The following KLHL26 variants were observed in gnomAD, a reference collection of about 807,000 sequenced individuals.
The protein encoded by KLHL26 is kelch-like protein 26.
A neutral mutation model predicts 7.1 loss-of-function variants in KLHL26; 4 were observed. That is an observed-to-expected ratio of 0.56 (90% CI 0.28 to 1.28). KLHL26 has a LOEUF of 1.28. Ranked by LOEUF, KLHL26 falls within the 50% of genes most tolerant of loss-of-function variation. The pLI is 0.11. For missense variants in KLHL26, 896 were observed against 924.6 expected (o/e 0.97, Z 0.40); for synonymous variants, 465 against 414.1 (o/e 1.12, Z -1.49).
chr19:18,648,890 C>T lies in KLHL26; in HGVS notation c.83+11753C>T, dbSNP rs1976850899. The stretch of plus-strand genomic sequence containing the variant: ...CACTCCTGGCTCTTCCCCTTCTGGG[C>T]ATCATCCCCAACTCCAGCCAGCGGG... On this transcript the variant is annotated intron_variant, in intron 1 of 2. Transcript: ENST00000300976. This position sits in a 1 kb window ranked among gnomAD's most constrained non-coding sequence, Gnocchi z 4.9. Among the ~76,000 whole-genome samples, 1 of 152,162 alleles carries T rather than the reference C, an allele frequency of 6.6e-6. No homozygotes were observed. The highest frequency in any genetic ancestry group is 2.1e-4 in the South Asian group (1 of 4,826).
rs1236675958 is a variant in KLHL26 at position 18,656,700 on chromosome 19, C to T, written c.84-7561C>T. Among the ~76,000 whole-genome samples, 7 of 59,698 alleles carry T rather than the reference C, an allele frequency of 1.2e-4. No homozygotes were observed. The highest frequency in any genetic ancestry group is 5.3e-4 in the South Asian group (1 of 1,872). 39.2% of individuals were successfully genotyped at this position (59,698 alleles called of 152,430 possible). On this transcript the variant is annotated intron_variant, in intron 1 of 2. Transcript: ENST00000300976. This position sits in a 1 kb window ranked among gnomAD's most constrained non-coding sequence, Gnocchi z 4.4. ...CGGCGAGCCCTGTCTGCCTCAGTAG[C>T]GCGGGGCTCTTGGAGGAGGCTTGAG...
At chr19:18,659,092 G>T (rs949019361) in intron 1 of KLHL26, among the ~76,000 whole-genome samples, 3 of 151,434 alleles carry the variant, frequency 2.0e-5, no homozygotes, top group Non-Finnish European at 4.4e-5. Flanking sequence ...CTCTCTCTGG[G>T]TATCTGTCCA....
chr19:18,650,725 T>G lies in KLHL26; in HGVS notation c.84-13536T>G, dbSNP rs2145384059. Among the ~76,000 whole-genome samples, 1 of 152,322 alleles carries G rather than the reference T, an allele frequency of 6.6e-6. No individual in the cohort carries two copies. The highest frequency in any genetic ancestry group is 2.1e-4 in the South Asian group (1 of 4,826). On this transcript the variant is annotated intron_variant, in intron 1 of 2. Coordinates refer to ENST00000300976, the MANE Select transcript of KLHL26 (RefSeq NM_018316.3). The surrounding 1 kb of genome is among the most constrained non-coding windows in gnomAD (Gnocchi z 4.2). ...GCCTCCAGTCTGTTAGCATTTAGAG[T>G]TGCTGAACTTTCGCATTGGTCAGGG...
intron 1 of KLHL26, among the ~76,000 whole-genome samples, chr19:18,645,478 G>C (rs1976785986): frequency 6.6e-6 from 1 of 152,052 alleles, no homozygotes; most frequent in South Asian, 2.1e-4. Context: ...GAGGTGGGGG[G>C]ATCTGGGTGA....
At chr19:18,651,023 G>C (rs925523554) in intron 1 of KLHL26, among the ~76,000 whole-genome samples, 2 of 152,104 alleles carry the variant, frequency 1.3e-5, no homozygotes, top group African/African-American at 4.8e-5. Context: ...CCTGACATCC[G>C]AGGCCCCTCT....
chr19:18,641,830 T>C (rs1192403214), intron 1 of KLHL26, among the ~76,000 whole-genome samples: 1 of 152,092 alleles, frequency 6.6e-6, no homozygotes, highest in African/African-American at 2.4e-5. Flanking sequence ...GGTTTCTCCA[T>C]GTTGGTCAGG....
In KLHL26 at chr19:18,668,410, C is replaced by T; in HGVS notation, c.1013C>T (p.Ala338Val). The T allele has an allele frequency of 6.2e-7, 1 of 1,609,758 alleles. No individual in the cohort carries two copies. Among genetic ancestry groups the T allele is most frequent in the Non-Finnish European group, 8.5e-7 (1 of 1,179,338 alleles). ...SKVYQLPEPG[A>V]RHFRELTEME... ...GTCTACCAGCTGCCTGAGCCGGGAG[C>T]CCGCCACTTCCGCGAGCTCACGGAG... The change falls in exon 3 of 3, where the codon GCC becomes GTC. Residue 338 changes from alanine to valine, a missense_variant. By Grantham distance (64) the Ala-to-Val change is moderately conservative (BLOSUM62 0). Transcript: ENST00000300976.
At chr19:18,664,756 T>C (rs1366953929) in intron 2 of KLHL26, among the ~76,000 whole-genome samples, 2 of 151,860 alleles carry the variant, frequency 1.3e-5, no homozygotes, top group Admixed American at 1.3e-4. Flanking sequence ...TAATTTTTTT[T>C]GTATTTTTTA....
At position 18,668,836 on chromosome 19, in the gene KLHL26, G is replaced by C. The variant is rs1283818637; in HGVS notation, c.1439G>C (p.Cys480Ser). 1 of 1,593,296 alleles carries C rather than the reference G, an allele frequency of 6.3e-7. No individual in the cohort carries two copies. Among genetic ancestry groups the C allele is most frequent in the Non-Finnish European group, 8.5e-7 (1 of 1,176,036 alleles). ...ISVEDKKALH[C>S]YDPVADQWEF... ...GTGGAGGACAAGAAGGCCCTGCACT[G>C]CTACGACCCCGTGGCCGACCAGTGG... The change falls in exon 3 of 3, where the codon TGC becomes TCC. Residue 480 changes from cysteine to serine, a missense_variant. Transcript: ENST00000300976.
At position 18,669,247 on chromosome 19, in the gene KLHL26, C is replaced by G. The variant is rs2145415621; in HGVS notation, c.*2C>G. 1 of 1,604,624 alleles carries G rather than the reference C, an allele frequency of 6.2e-7. No individual in the cohort carries two copies. Among genetic ancestry groups the G allele is most frequent in the East Asian group, 2.2e-5 (1 of 44,848 alleles). On this transcript the variant is annotated 3_prime_UTR_variant, in exon 3 of 3. Transcript: ENST00000300976. Reference sequence around the variant, plus strand: ...CCCCGGGCCGGGACCAGGAGGTAGCCCCCAAGACCCCCGGGACCCTGGCCT... The same window carrying G: ...CCCCGGGCCGGGACCAGGAGGTAGCGCCCAAGACCCCCGGGACCCTGGCCT...
Position 18,647,314 on chromosome 19 carries a change from C to T in KLHL26, c.83+10177C>T, listed in dbSNP as rs377072288. Among the ~76,000 whole-genome samples the T allele has an allele frequency of 3.0e-4, 45 of 152,332 alleles. 1 individual carries two copies. Among genetic ancestry groups the T allele is most frequent in the African/African-American group, 1.0e-3 (42 of 41,582 alleles). On this transcript the variant is annotated intron_variant, in intron 1 of 2. Coordinates refer to ENST00000300976, the MANE Select transcript of KLHL26 (RefSeq NM_018316.3). ...AGGCTTTATTACCCTCCGCCATAAT[C>T]GCACCATCTCCAGGGAGCCCCTGCG...
intron 1 of KLHL26, among the ~76,000 whole-genome samples, chr19:18,662,686 G>C (rs935849166): frequency 1.3e-5 from 2 of 152,208 alleles, no homozygotes; most frequent in African/African-American, 4.8e-5. Context: ...TGTCCAGGCA[G>C]GTGCTGGACC....
chr19:18,640,959 C>G (rs1474397401), intron 1 of KLHL26, among the ~76,000 whole-genome samples: 1 of 152,156 alleles, frequency 6.6e-6, no homozygotes, highest in Non-Finnish European at 1.5e-5. Flanking sequence ...CCTGGTATGG[C>G]CAGTCCTTAG....
At chr19:18,662,015 G>A (rs2052396498) in intron 1 of KLHL26, among the ~76,000 whole-genome samples, 1 of 152,150 alleles carries the variant, frequency 6.6e-6, no homozygotes, top group Non-Finnish European at 1.5e-5. Flanking sequence ...AAGTAGCTGG[G>A]AACACAGGCT....
intron 1 of KLHL26, among the ~76,000 whole-genome samples, chr19:18,662,224 C>T (rs2052398584): frequency 6.6e-6 from 1 of 152,204 alleles, no homozygotes; most frequent in Admixed American, 6.5e-5. Context: ...CCTCCCATCC[C>T]TCCCCGCAAA....
intron 2 of KLHL26, among the ~76,000 whole-genome samples, chr19:18,666,664 G>A (rs1479893867): frequency 6.6e-6 from 1 of 152,130 alleles, no homozygotes; most frequent in Non-Finnish European, 1.5e-5. Context: ...TTGGGTGGGA[G>A]GTGCTTCCCC....
chr19:18,668,025 G>A lies in KLHL26; in HGVS notation c.628G>A (p.Val210Ile). The A allele has an allele frequency of 6.2e-7, 1 of 1,609,056 alleles. No individual in the cohort carries two copies. Among genetic ancestry groups the A allele is most frequent in the Non-Finnish European group, 8.5e-7 (1 of 1,179,962 alleles). ...DFLRLPLERLVFFLQSNRLQS... is the reference protein window; with the variant it reads ...DFLRLPLERLIFFLQSNRLQS... Reference sequence around the variant, plus strand: ...CCTGCGCCTGCCACTGGAGCGCCTGGTCTTCTTCCTGCAGAGCAACCGGCT... The same window carrying A: ...CCTGCGCCTGCCACTGGAGCGCCTGATCTTCTTCCTGCAGAGCAACCGGCT... Residue 210 changes from valine (V) to isoleucine (I), a missense_variant, in exon 3 of 3, where the codon GTC (valine) becomes ATC (isoleucine). By Grantham distance (29) the Val-to-Ile change is conservative. Coordinates refer to ENST00000300976, the MANE Select transcript of KLHL26 (RefSeq NM_018316.3).
In KLHL26 at chr19:18,669,027, C is replaced by T. The variant is rs1289851205; in HGVS notation, c.1630C>T (p.Pro544Ser). ...PETDQWTSVSPMRAGQSEAGC... is the reference protein window; with the variant it reads ...PETDQWTSVSSMRAGQSEAGC... ...GACGGACCAGTGGACCAGCGTGAGCCCCATGCGGGCCGGCCAGTCAGAGGC... is the reference window on the plus strand; with the variant it reads ...GACGGACCAGTGGACCAGCGTGAGCTCCATGCGGGCCGGCCAGTCAGAGGC... Residue 544 changes from proline to serine, a missense_variant, in exon 3 of 3, where the codon CCC (proline) becomes TCC (serine). Pro to Ser is a moderately conservative substitution (Grantham distance 74, BLOSUM62 -1). Coordinates refer to ENST00000300976, the MANE Select transcript of KLHL26 (RefSeq NM_018316.3). 1.2e-6 allele frequency: 2 copies of T among 1,612,786 alleles called. No individual in the cohort carries two copies. Among genetic ancestry groups the T allele is most frequent in the East Asian group, 2.2e-5 (1 of 44,884 alleles).
At chr19:18,654,379 A>G in intron 1 of KLHL26, among the ~76,000 whole-genome samples, 1 of 139,658 alleles carries the variant, frequency 7.2e-6, no homozygotes, top group Non-Finnish European at 1.6e-5. Flanking sequence ...CCATCTGCCC[A>G]CCCATCCACC....
Sources: allele counts gnomAD v4.1 joint callset (sites outside exome capture counted in the v4.1 genomes callset), GRCh38; gene constraint gnomAD v4.1.1; non-coding constraint Gnocchi (gnomAD v3.1); transcripts MANE v1.5; gene names NCBI Gene and HGNC (gene_info 2026-07-23, HGNC 2026-07-21).